Variants in LRRC37A2 observed in about 807,000 individuals in gnomAD.
The protein encoded by LRRC37A2 is leucine-rich repeat-containing protein 37A2.
A neutral mutation model predicts 68.8 loss-of-function variants in LRRC37A2; 9 were observed. The ratio of observed to expected loss-of-function variants is 0.13; its 90% CI spans 0.08 to 0.23. The LOEUF (loss-of-function observed/expected upper bound fraction) is 0.23, where lower values mean the gene tolerates loss of function less well. Ranked by LOEUF, LRRC37A2 falls within the 10% of genes least tolerant of loss-of-function variation. The pLI is 1.00. For missense variants in LRRC37A2, 168 were observed against 950.4 expected (o/e 0.18, Z 10.82); for synonymous variants, 63 against 367.6 (o/e 0.17, Z 9.48).
chr17:47,006,913 C>A, the LRRC37A2 span, among the ~76,000 whole-genome samples: 103,504 of 152,114 alleles, frequency 0.68, 35,818 homozygotes, highest in East Asian at 0.83. Flanking sequence ...TGAATACAAT[C>A]GATTCAAACA....
chr17:46,950,777 G>C, the LRRC37A2 span, among the ~76,000 whole-genome samples: 34 of 152,296 alleles, frequency 2.2e-4, no homozygotes, highest in Middle Eastern at 3.4e-3. Flanking sequence ...TGAGACATGG[G>C]GCTGATGAGA....
At chr17:46,752,446 A>G in the LRRC37A2 span, among the ~76,000 whole-genome samples, 1 of 152,012 alleles carries the variant, frequency 6.6e-6, no homozygotes, top group Non-Finnish European at 1.5e-5. Flanking sequence ...GGTGCTCAGT[A>G]AACTTTTATT....
At chr17:46,799,336 G>C in the LRRC37A2 span, among the ~76,000 whole-genome samples, 2 of 152,058 alleles carry the variant, frequency 1.3e-5, no homozygotes, top group African/African-American at 2.4e-5. Context: ...AGATCTTTCT[G>C]CTCTAAAGAA....
At chr17:46,877,186 C>T in the LRRC37A2 span, 332 of 650,736 alleles carry the variant, frequency 5.1e-4, 2 homozygotes, top group African/African-American at 6.0e-3. Context: ...ATGGGTCAAT[C>T]GGGTCCTGTG....
the LRRC37A2 span, among the ~76,000 whole-genome samples, chr17:47,033,683 A>C: frequency 2.1e-4 from 32 of 152,230 alleles, 1 homozygote; most frequent in South Asian, 8.3e-4. Context: ...GAAAGGAAAC[A>C]TAGCCCATCT....
the LRRC37A2 span, among the ~76,000 whole-genome samples, chr17:46,712,587 T>C: frequency 6.6e-6 from 1 of 152,088 alleles, no homozygotes; most frequent in Non-Finnish European, 1.5e-5. Context: ...GAGAAGTAAA[T>C]CGGAAATGTT....
the LRRC37A2 span, among the ~76,000 whole-genome samples, chr17:46,478,071 TC>T: frequency 2.9e-5 from 3 of 104,960 alleles, no homozygotes; most frequent in Admixed American, 1.9e-4. Context: ...GTGCCCTAGG[TC>T]AAGTCACTTG....
chr17:46,841,687 A>AG, the LRRC37A2 span, among the ~76,000 whole-genome samples: 2 of 152,016 alleles, frequency 1.3e-5, no homozygotes, highest in Non-Finnish European at 2.9e-5. Flanking sequence ...CAGGACCGGG[A>AG]GGAACTGGAC....
the LRRC37A2 span, among the ~76,000 whole-genome samples, chr17:46,782,977 G>A: frequency 6.6e-6 from 1 of 152,214 alleles, no homozygotes; most frequent in South Asian, 2.1e-4. Context: ...TGTGGCTGTG[G>A]GAGAGCGCCA....
the LRRC37A2 span, among the ~76,000 whole-genome samples, chr17:46,853,394 C>T: frequency 3.8e-4 from 33 of 86,154 alleles, 1 homozygote; most frequent in African/African-American, 1.4e-3. Context: ...TTTTTTAAGA[C>T]GGAGTCTCCC....
At chr17:47,000,092 A>AAAAT in the LRRC37A2 span, among the ~76,000 whole-genome samples, 4 of 65,026 alleles carry the variant, frequency 6.2e-5, no homozygotes, top group Admixed American at 1.7e-4. Context: ...AAAATAAAAT[A>AAAAT]AAATAAAATA....
the LRRC37A2 span, chr17:46,872,799 GAGGGC>G: frequency 7.6e-7 from 1 of 1,314,018 alleles, no homozygotes; most frequent in Non-Finnish European, 1.1e-6. Flanking sequence ...AGGGGACGGG[GAGGGC>G]TGGGGGAAGA....
chr17:46,940,369 A>G, the LRRC37A2 span: 2 of 1,508,022 alleles, frequency 1.3e-6, no homozygotes, highest in African/African-American at 2.7e-5. Flanking sequence ...GAGTTAAAGC[A>G]GTGACTGGAG....
chr17:46,807,178 T>C, the LRRC37A2 span, among the ~76,000 whole-genome samples: 2 of 152,152 alleles, frequency 1.3e-5, no homozygotes, highest in African/African-American at 4.8e-5. Flanking sequence ...GGGGAAAAGC[T>C]GACAGTAAAG....
At chr17:46,711,211 C>T in the LRRC37A2 span, 1 of 1,216,372 alleles carries the variant, frequency 8.2e-7, no homozygotes, top group Non-Finnish European at 1.1e-6. Flanking sequence ...AAAGTGAATT[C>T]TTTTTCGTTT....
chr17:46,964,095 G>A, the LRRC37A2 span: 1 of 152,360 alleles, frequency 6.6e-6, no homozygotes, highest in East Asian at 1.9e-4. Flanking sequence ...TGACAAGTGT[G>A]GCTGAGTTGG....
chr17:46,490,489 G>A, the LRRC37A2 span, among the ~76,000 whole-genome samples: 547 of 151,022 alleles, frequency 3.6e-3, 4 homozygotes, highest in African/African-American at 0.011. Flanking sequence ...TTGGGAGGCC[G>A]AGGCGGGTGG....
At chr17:46,622,254 G>A in the LRRC37A2 span, among the ~76,000 whole-genome samples, 5 of 144,274 alleles carry the variant, frequency 3.5e-5, no homozygotes, top group African/African-American at 1.4e-4. Context: ...TCAGGAGATC[G>A]AGACCAGCCT....
At chr17:46,805,331 G>C in the LRRC37A2 span, among the ~76,000 whole-genome samples, 2 of 152,130 alleles carry the variant, frequency 1.3e-5, no homozygotes, top group Admixed American at 1.3e-4. Context: ...CCAGCATTTT[G>C]GGAGGTTGAG....
Sources: allele counts gnomAD v4.1 joint callset (sites outside exome capture counted in the v4.1 genomes callset), GRCh38; gene constraint gnomAD v4.1.1; transcripts MANE v1.5; gene names NCBI Gene and HGNC (gene_info 2026-07-23, HGNC 2026-07-21).